DOCK4: variants seen among roughly 807,000 people sequenced by gnomAD.
DOCK4 encodes dedicator of cytokinesis 4, also known as dedicator of cytokinesis protein 4.
Under a neutral mutation model 268.1 loss-of-function variants are expected in DOCK4, and 97 were observed. That is an observed-to-expected ratio of 0.36 (90% CI 0.31 to 0.43). The LOEUF is 0.43. Ranked by LOEUF, DOCK4 falls within the 20% of genes least tolerant of loss-of-function variation. The pLI, the probability that DOCK4 is intolerant of heterozygous loss-of-function variation, is 1.00. For synonymous variants in DOCK4, 954 were observed against 887.2 expected (o/e 1.08, Z -1.34); for missense variants, 2,145 against 2,455.7 (o/e 0.87, Z 2.67).
At chr7:111,731,920 A>T (rs1445163085) in intron 52 of DOCK4, among the ~76,000 whole-genome samples, 1 of 152,148 alleles carries the variant, frequency 6.6e-6, no homozygotes, top group African/African-American at 2.4e-5. Flanking sequence ...GTTTCCTAGG[A>T]GGTACATTAG....
At chr7:111,764,648 T>C (rs1479593843) in intron 39 of DOCK4, among the ~76,000 whole-genome samples, 1 of 152,182 alleles carries the variant, frequency 6.6e-6, no homozygotes, top group African/African-American at 2.4e-5. Context: ...ATACTAGCAA[T>C]AAATTGGGTC....
At chr7:111,980,074 T>G (rs1334551632) in intron 7 of DOCK4, among the ~76,000 whole-genome samples, 23 of 152,166 alleles carry the variant, frequency 1.5e-4, no homozygotes, top group Non-Finnish European at 1.5e-5. Flanking sequence ...CACAGCAAAC[T>G]AAACAATGTA....
chr7:112,191,150 G>T (rs1819919019), intron 1 of DOCK4, among the ~76,000 whole-genome samples: 1 of 152,174 alleles, frequency 6.6e-6, no homozygotes, highest in African/African-American at 2.4e-5. Context: ...CTAGTCACAG[G>T]TGGGATCACA....
intron 4 of DOCK4, among the ~76,000 whole-genome samples, chr7:111,997,980 ATT>A (rs1476993896): frequency 1.3e-5 from 2 of 152,228 alleles, no homozygotes. Context: ...TATAAATGAC[ATT>A]CTCTAAAATA....
chr7:112,197,262 T>C (rs1820530808), intron 1 of DOCK4, among the ~76,000 whole-genome samples: 1 of 151,582 alleles, frequency 6.6e-6, no homozygotes, highest in Non-Finnish European at 1.5e-5. Flanking sequence ...CTTTAAGAAT[T>C]CTTGTGGTTC....
At chr7:111,826,473 C>T (rs1189182012) in intron 26 of DOCK4, among the ~76,000 whole-genome samples, 1 of 151,898 alleles carries the variant, frequency 6.6e-6, no homozygotes, top group South Asian at 2.1e-4. Context: ...ACATATGATA[C>T]TATGATATTA....
At chr7:111,886,769 T>C (rs776775939) in intron 16 of DOCK4, among the ~76,000 whole-genome samples, 62 of 152,270 alleles carry the variant, frequency 4.1e-4, no homozygotes, top group Non-Finnish European at 7.1e-4. Context: ...TATTGTGAAA[T>C]CCAAATAAAT....
intron 37 of DOCK4, among the ~76,000 whole-genome samples, chr7:111,768,032 A>T (rs539773519): frequency 6.6e-6 from 1 of 152,174 alleles, no homozygotes; most frequent in Non-Finnish European, 1.5e-5. Flanking sequence ...CCATAGACAC[A>T]ATTAAGCATG....
intron 8 of DOCK4, among the ~76,000 whole-genome samples, chr7:111,952,381 G>A (rs769433343): frequency 6.6e-6 from 1 of 152,150 alleles, no homozygotes; most frequent in Non-Finnish European, 1.5e-5. Flanking sequence ...TTCTCAGTAG[G>A]ATGCTTCTGT....
At chr7:112,105,245 A>G (rs1406730407) in intron 1 of DOCK4, among the ~76,000 whole-genome samples, 1 of 152,166 alleles carries the variant, frequency 6.6e-6, no homozygotes, top group Non-Finnish European at 1.5e-5. Context: ...CTTTCTCTTA[A>G]TAAGTTATGG....
chr7:111,758,321 T>G (rs1445906924), intron 41 of DOCK4, among the ~76,000 whole-genome samples: 1 of 152,230 alleles, frequency 6.6e-6, no homozygotes, highest in African/African-American at 2.4e-5. Flanking sequence ...CCAGGAGTTC[T>G]CAAAGACTGG....
rs984473923 is a variant in DOCK4, at chr7:112,140,748, G to A, written c.37+65354C>T. 2.6e-5 allele frequency among the ~76,000 whole-genome samples: 4 copies of A among 151,132 alleles called. No individual in the cohort carries two copies. In the South Asian group the frequency reaches 8.4e-4, roughly 32 times the overall value. On this transcript the variant is annotated intron_variant, in intron 1 of 52. Transcript: ENST00000428084. ...TTTATAGCAGCTCTGCACAAATCTC[G>A]AAGAATCAAAGAAGGCTTTGGGAGA...
intron 8 of DOCK4, among the ~76,000 whole-genome samples, chr7:111,975,939 G>A (rs886288750): frequency 9.9e-5 from 15 of 150,842 alleles, no homozygotes; most frequent in East Asian, 2.0e-4. Flanking sequence ...CAAGGCAGGC[G>A]GATCATCTGA....
intron 8 of DOCK4, among the ~76,000 whole-genome samples, chr7:111,959,043 T>G (rs1293307068): frequency 6.6e-6 from 1 of 152,156 alleles, no homozygotes; most frequent in East Asian, 1.9e-4. Context: ...CCACATTTCA[T>G]GCACCTGCTG....
At chr7:112,182,876 A>T (rs1279896095) in intron 1 of DOCK4, among the ~76,000 whole-genome samples, 1 of 152,192 alleles carries the variant, frequency 6.6e-6, no homozygotes, top group Non-Finnish European at 1.5e-5. Context: ...TGGCCACAGG[A>T]CTGGACAATG....
chr7:111,955,982 T>C (rs903171772), intron 8 of DOCK4, among the ~76,000 whole-genome samples: 1 of 152,142 alleles, frequency 6.6e-6, no homozygotes, highest in Admixed American at 6.5e-5. Flanking sequence ...AGAATTTCAC[T>C]AAAAAATGAG....
At chr7:111,744,127 A>G (rs1280932032) in intron 44 of DOCK4, among the ~76,000 whole-genome samples, 3 of 152,188 alleles carry the variant, frequency 2.0e-5, no homozygotes, top group Admixed American at 1.3e-4. Flanking sequence ...CCAAATGGCC[A>G]GGCTTTCTAT....
intron 16 of DOCK4, among the ~76,000 whole-genome samples, chr7:111,884,118 G>T (rs1445317243): frequency 6.6e-6 from 1 of 152,012 alleles, no homozygotes; most frequent in Non-Finnish European, 1.5e-5. Flanking sequence ...ATCTATTTCT[G>T]AAAAACTTAA....
chr7:112,012,008 T>C (rs868044154), intron 1 of DOCK4, among the ~76,000 whole-genome samples: 1 of 151,784 alleles, frequency 6.6e-6, no homozygotes, highest in African/African-American at 2.4e-5. Flanking sequence ...GGTCCTTTCA[T>C]TTGCTAGCCC....
Sources: allele counts gnomAD v4.1 joint callset (sites outside exome capture counted in the v4.1 genomes callset), GRCh38; gene constraint gnomAD v4.1.1; transcripts MANE v1.5; gene names NCBI Gene and HGNC (gene_info 2026-07-23, HGNC 2026-07-21).